The following PCDHGA8 variants were observed in gnomAD, a reference collection of about 807,000 sequenced individuals.
PCDHGA8 encodes protocadherin gamma-A8.
A neutral mutation model predicts 59.2 loss-of-function variants in PCDHGA8; 45 were observed. The observed-to-expected ratio is 0.76, with a 90% CI of 0.60 to 0.98. The LOEUF is 0.98. Ranked by LOEUF, PCDHGA8 falls within the 50% of genes least tolerant of loss-of-function variation. PCDHGA8 has a pLI of 0.00. For missense variants in PCDHGA8, 1,257 were observed against 1,196.2 expected, an observed-to-expected ratio of 1.05 and a Z score of -0.75; for synonymous variants, 531 against 519.0, an observed-to-expected ratio of 1.02 and a Z score of -0.32.
intron 1 of PCDHGA8, among the ~76,000 whole-genome samples, chr5:141,467,707 G>A (rs1203906639): frequency 6.6e-6 from 1 of 152,140 alleles, no homozygotes; most frequent in Non-Finnish European, 1.5e-5. Flanking sequence ...TGTTGCCCAG[G>A]CTGGAGTGTA....
At chr5:141,452,909 TAC>T (rs1370071626) in intron 1 of PCDHGA8, among the ~76,000 whole-genome samples, 2 of 152,232 alleles carry the variant, frequency 1.3e-5, no homozygotes, top group African/African-American at 4.8e-5. Context: ...GTTGGCATTA[TAC>T]AGTAAGAAAG....
intron 2 of PCDHGA8, among the ~76,000 whole-genome samples, chr5:141,500,739 C>T (rs1199462920): frequency 6.6e-6 from 1 of 152,114 alleles, no homozygotes; most frequent in Non-Finnish European, 1.5e-5. Context: ...CAAAATTCTT[C>T]CCAAGTCATT....
In PCDHGA8 at chr5:141,485,974, A is replaced by G. The variant is rs755735500; in HGVS notation, c.2425-8833A>G. 1.9e-6 allele frequency: 3 copies of G among 1,614,108 alleles called. No homozygotes were observed. The highest frequency in any genetic ancestry group is 1.7e-5 in the Admixed American group (1 of 60,014). On this transcript the variant is annotated intron_variant, in intron 1 of 3. Coordinates refer to ENST00000398604, the MANE Select transcript of PCDHGA8 (RefSeq NM_032088.2). This position sits in a 1 kb window ranked among gnomAD's most constrained non-coding sequence, Gnocchi z 5.7. ...TGGTGCTCATCCAGCTCAATGCCTC[A>G]GACCCGGACCTGGGTCCCAGTGGTA...
chr5:141,486,688 C>G lies in PCDHGA8; in HGVS notation c.2425-8119C>G, dbSNP rs748605515. On this transcript the variant is annotated intron_variant, in intron 1 of 3. Coordinates refer to ENST00000398604, the MANE Select transcript of PCDHGA8 (RefSeq NM_032088.2). This position sits in a 1 kb window ranked among gnomAD's most constrained non-coding sequence, Gnocchi z 5.0. ...CCAGGAATCGAGATGTATCAGCTTCCTCTTTCATCTCTCTGAACCCCCAGA... is the reference window on the plus strand; with the variant it reads ...CCAGGAATCGAGATGTATCAGCTTCGTCTTTCATCTCTCTGAACCCCCAGA... The G allele has an allele frequency of 1.2e-6, 2 of 1,614,170 alleles. No homozygotes were observed. The highest frequency in any genetic ancestry group is 8.5e-7 in the Non-Finnish European group (1 of 1,180,044).
At chr5:141,434,980 CTA>C in intron 1 of PCDHGA8, among the ~76,000 whole-genome samples, 1 of 151,954 alleles carries the variant, frequency 6.6e-6, no homozygotes, top group East Asian at 1.9e-4. Flanking sequence ...TGTTAATACT[CTA>C]TATCATTTTC....
chr5:141,409,906 T>G (rs779572711), intron 1 of PCDHGA8: 2 of 1,613,096 alleles, frequency 1.2e-6, no homozygotes, highest in African/African-American at 2.7e-5. Flanking sequence ...CAGCTCTGGG[T>G]CCTGACGGCT....
chr5:141,415,849 C>A (rs1453652151), intron 1 of PCDHGA8: 2 of 1,230,672 alleles, frequency 1.6e-6, no homozygotes, highest in Non-Finnish European at 2.1e-6. Flanking sequence ...CTTTGCAGAA[C>A]CTTGTAGTTT....
At position 141,432,181 on chromosome 5, in the gene PCDHGA8, G is replaced by A. The variant is rs1443322706; in HGVS notation, c.2424+36944G>A. 3.7e-6 allele frequency: 6 copies of A among 1,614,116 alleles called. No homozygotes were observed. In the South Asian group the frequency reaches 6.6e-5, roughly 18 times the overall value. On this transcript the variant is annotated intron_variant, in intron 1 of 3. Coordinates refer to ENST00000398604, the MANE Select transcript of PCDHGA8 (RefSeq NM_032088.2). This position sits in a 1 kb window ranked among gnomAD's most constrained non-coding sequence, Gnocchi z 6.0. ...CCAGAGGAGTTTCCCTCGTCTCTGTGACCGCCCACGACCCCGACTGTGAAG... is the reference window on the plus strand; with the variant it reads ...CCAGAGGAGTTTCCCTCGTCTCTGTAACCGCCCACGACCCCGACTGTGAAG...
At chr5:141,496,373 C>T (rs1315450867) in intron 2 of PCDHGA8, among the ~76,000 whole-genome samples, 2 of 152,216 alleles carry the variant, frequency 1.3e-5, no homozygotes. Flanking sequence ...GAAGCAGGAG[C>T]TTGGGCCACC....
chr5:141,487,421 C>G lies in PCDHGA8; in HGVS notation c.2425-7386C>G. On this transcript the variant is annotated intron_variant, in intron 1 of 3. Transcript: ENST00000398604. This position sits in a 1 kb window ranked among gnomAD's most constrained non-coding sequence, Gnocchi z 5.0. ...GGGGCTTCCCCCTTCCAATGGGATC[C>G]TCCGAATCCAGCTAGGGTCAGATGA... 1 of 1,614,144 alleles carries G rather than the reference C, an allele frequency of 6.2e-7. No individual in the cohort carries two copies. The highest frequency in any genetic ancestry group is 8.5e-7 in the Non-Finnish European group (1 of 1,180,022).
At position 141,487,198 on chromosome 5, in the gene PCDHGA8, T is replaced by A; in HGVS notation, c.2425-7609T>A. The A allele has an allele frequency of 1.2e-6, 2 of 1,613,854 alleles. No individual in the cohort carries two copies. The highest frequency in any genetic ancestry group is 1.7e-6 in the Non-Finnish European group (2 of 1,179,722). ...AAGACACTCATCCAGTTGTCCCAGATCTTCGAGAATCTTCAGCTCCAAGGG... is the reference window on the plus strand; with the variant it reads ...AAGACACTCATCCAGTTGTCCCAGAACTTCGAGAATCTTCAGCTCCAAGGG... On this transcript the variant is annotated intron_variant, in intron 1 of 3. Transcript: ENST00000398604. The surrounding 1 kb of genome is among the most constrained non-coding windows in gnomAD (Gnocchi z 5.0).
At position 141,431,245 on chromosome 5, in the gene PCDHGA8, C is replaced by T; in HGVS notation, c.2424+36008C>T. The T allele has an allele frequency of 1.2e-6, 2 of 1,614,134 alleles. No individual in the cohort carries two copies. The highest frequency in any genetic ancestry group is 1.7e-6 in the Non-Finnish European group (2 of 1,180,038). ...TACCCCACGCCTGGGATCCGGATATCGGGAAGAACTCTCTGCAGAGCTACG... is the reference window on the plus strand; with the variant it reads ...TACCCCACGCCTGGGATCCGGATATTGGGAAGAACTCTCTGCAGAGCTACG... On this transcript the variant is annotated intron_variant, in intron 1 of 3. Transcript: ENST00000398604. This position sits in a 1 kb window ranked among gnomAD's most constrained non-coding sequence, Gnocchi z 4.8.
In PCDHGA8 at chr5:141,409,417, G is replaced by A. The variant is rs774453166; in HGVS notation, c.2424+14180G>A. ...CTTCCAATAACTACTACAAACTGGT[G>A]ACAGATGGAGCCCTGGACCGAGAGC... On this transcript the variant is annotated intron_variant, in intron 1 of 3. Transcript: ENST00000398604. The A allele has an allele frequency of 5.6e-6, 9 of 1,613,880 alleles. No individual in the cohort carries two copies. The South Asian group carries it at 8.8e-5, about 16-fold the overall frequency.
intron 1 of PCDHGA8, chr5:141,423,694 T>C (rs1008861889): frequency 1.3e-6 from 2 of 1,501,552 alleles, no homozygotes; most frequent in Middle Eastern, 1.8e-4. Flanking sequence ...TAATTGTTGG[T>C]GTCTTGGCAC....
Position 141,477,778 on chromosome 5 carries a change from C to T in PCDHGA8, c.2425-17029C>T, listed in dbSNP as rs866423908. On this transcript the variant is annotated intron_variant, in intron 1 of 3. Transcript: ENST00000398604. This position sits in a 1 kb window ranked among gnomAD's most constrained non-coding sequence, Gnocchi z 4.9. ...TCCTAGCCACCAACATCAGCGTGAA[C>T]ATATTTGTCACTGATCGCAATGACA... 2.5e-6 allele frequency: 4 copies of T among 1,614,052 alleles called. No homozygotes were observed. In the African/African-American group the frequency reaches 5.3e-5, roughly 22 times the overall value.
At chr5:141,445,890 T>A (rs1435563284) in intron 1 of PCDHGA8, among the ~76,000 whole-genome samples, 1 of 152,210 alleles carries the variant, frequency 6.6e-6, no homozygotes, top group Non-Finnish European at 1.5e-5. Flanking sequence ...ACTTAGGAGC[T>A]ATTAAAATAT....
At chr5:141,447,023 G>GT (rs5871773) in intron 1 of PCDHGA8, among the ~76,000 whole-genome samples, 28,105 of 151,474 alleles carry the variant, frequency 0.19, 2,731 homozygotes, top group African/African-American at 0.24. Context: ...GTTTTGTTTT[G>GT]TTTTTTTTCT....
intron 1 of PCDHGA8, among the ~76,000 whole-genome samples, chr5:141,466,725 G>A (rs1184472416): frequency 2.6e-5 from 4 of 152,024 alleles, no homozygotes; most frequent in Non-Finnish European, 5.9e-5. Context: ...TTCCATTTTA[G>A]CAGAATTCAT....
At position 141,490,219 on chromosome 5, in the gene PCDHGA8, C is replaced by T. The variant is rs771985398; in HGVS notation, c.2425-4588C>T. 2.5e-5 allele frequency: 41 copies of T among 1,614,094 alleles called. No individual in the cohort carries two copies. The highest frequency in any genetic ancestry group is 3.3e-5 in the Non-Finnish European group (39 of 1,180,038). On this transcript the variant is annotated intron_variant, in intron 1 of 3. Coordinates refer to ENST00000398604, the MANE Select transcript of PCDHGA8 (RefSeq NM_032088.2). This position sits in a 1 kb window ranked among gnomAD's most constrained non-coding sequence, Gnocchi z 5.4. ...TCATGCAAGAGCCCGTGACCAGGGA[C>T]AGCCTGCCATGGAGGGCCACTGTGT... is the stretch of plus-strand genomic sequence containing the variant.
Sources: gnomAD v4.1 joint callset for allele counts (sites outside exome capture counted in the v4.1 genomes callset) on GRCh38, gnomAD v4.1.1 for gene constraint, Gnocchi (gnomAD v3.1) non-coding constraint, MANE v1.5 for transcripts, NCBI Gene and HGNC (gene_info 2026-07-23, HGNC 2026-07-21) for gene names.